Variants in DMKN observed in about 807,000 individuals in gnomAD.
DMKN encodes epidermis-specific secreted protein SK30/SK89.
A neutral mutation model predicts 67.6 loss-of-function variants in DMKN; 58 were observed. The ratio of observed to expected loss-of-function variants is 0.86; its 90% CI spans 0.69 to 1.07. DMKN has a LOEUF of 1.07. DMKN is among the 50% of genes least tolerant of loss of function. The pLI is 0.00. For synonymous variants in DMKN, 240 were observed against 232.3 expected (o/e 1.03, Z -0.30); for missense variants, 596 against 601.5 (o/e 0.99, Z 0.10).
chr19:35,507,529 G>T, intron 7 of DMKN: 1 of 1,551,346 alleles, frequency 6.4e-7, no homozygotes, highest in Non-Finnish European at 8.7e-7. Context: ...GACAGAAAAC[G>T]GAGAGGAGTT....
Position 35,511,492 on chromosome 19 carries a change from GCCACTGCTGCTGCCACTGCTGCTGCCA to G in DMKN, c.810_836del (p.Ser274_Ser282del), listed in dbSNP as rs762952161. On this transcript the variant is annotated inframe_deletion, in exon 5 of 16. Coordinates refer to ENST00000339686, the MANE Select transcript of DMKN (RefSeq NM_033317.5). ...CACCACTGCTGCCGCCACTGCTGCCGCCACTGCTGCTGCCACTGCTGCTGCCACCACTGCTGCTGCCATTGTTGTTGT... is the reference window on the plus strand; with the variant it reads ...CACCACTGCTGCCGCCACTGCTGCCGCCACTGCTGCTGCCATTGTTGTTGT... 9.9e-5 allele frequency: 106 copies of G among 1,066,226 alleles called. No individual in the cohort carries two copies. In the East Asian group the frequency reaches 2.1e-3, roughly 21 times the overall value. 66.0% of individuals were successfully genotyped at this position (1,066,226 alleles called of 1,614,324 possible).
At chr19:35,499,882 C>G in intron 13 of DMKN, 76 bp downstream of exon 13, 1 of 1,534,364 alleles carries the variant, frequency 6.5e-7, no homozygotes, top group Non-Finnish European at 9.0e-7. Flanking sequence ...CCGAGAGGAC[C>G]CCGGCAGTGA....
intron 3 of DMKN, among the ~76,000 whole-genome samples, 180 bp from the exon 4 acceptor site, chr19:35,511,993 C>CTTTTTTTTT (rs11285451): frequency 1.8e-5 from 2 of 113,066 alleles, no homozygotes; most frequent in African/African-American, 3.8e-5. Context: ...TCTCTTCCTC[C>CTTTTTTTTT]TTTTTTTTTT....
At position 35,510,217 on chromosome 19, in the gene DMKN, ACCGTGGTTG is replaced by A; in HGVS notation, c.945_953del (p.Asn316_Gly318del). On this transcript the variant is annotated inframe_deletion, in exon 6 of 16. Coordinates refer to ENST00000339686, the MANE Select transcript of DMKN (RefSeq NM_033317.5). ...TATGTCCATTTCCTCCGCCGCTCCC[ACCGTGGTTG>A]CCGGAGGAGGAGCCGGTGCTGGATC... The A allele has an allele frequency of 1.2e-6, 2 of 1,608,966 alleles. No individual in the cohort carries two copies. Among genetic ancestry groups the A allele is most frequent in the Non-Finnish European group, 1.7e-6 (2 of 1,177,934 alleles).
intron 9 of DMKN, among the ~76,000 whole-genome samples, chr19:35,503,801 G>A (rs1171266872): frequency 2.6e-5 from 4 of 152,082 alleles, no homozygotes; most frequent in African/African-American, 9.7e-5. Flanking sequence ...GAGAGAGCTT[G>A]AGAAATAGGA....
intron 7 of DMKN, chr19:35,507,389 T>A (rs946434980): frequency 4.1e-6 from 6 of 1,460,742 alleles, no homozygotes; most frequent in Non-Finnish European, 5.6e-6. Flanking sequence ...TTTTGTTTCT[T>A]TTCCCAGGAT....
chr19:35,500,538 C>G lies in DMKN; in HGVS notation c.1282G>C (p.Asp428His). The change falls in exon 12 of 16, where the codon GAT (aspartate) becomes CAT (histidine). Residue 428 changes from aspartate (D) to histidine (H), a missense_variant. Coordinates refer to ENST00000339686, the MANE Select transcript of DMKN (RefSeq NM_033317.5). ...ACTTGAGGACAGAGACTCACCTGAT[C>G]GTCTCTGCCTGCACGTTTCTGCAGT... is the stretch of plus-strand genomic sequence containing the variant. ...SSLQKRAGRD[D>H]QNYNYNQHAY... 4.3e-6 allele frequency: 7 copies of G among 1,611,772 alleles called. 1 individual carries two copies. The highest frequency in any genetic ancestry group is 1.7e-4 in the Middle Eastern group (1 of 6,060).
At chr19:35,508,460 G>C in intron 7 of DMKN, 1 of 508,348 alleles carries the variant, frequency 2.0e-6, no homozygotes, top group Non-Finnish European at 3.5e-6. Context: ...GAGGTAGATA[G>C]TAACATACTC....
chr19:35,501,119 C>T (rs914111335), intron 11 of DMKN, among the ~76,000 whole-genome samples: 1 of 152,162 alleles, frequency 6.6e-6, no homozygotes, highest in Non-Finnish European at 1.5e-5. Context: ...CCGGACACCC[C>T]CCCCAGCCCC....
chr19:35,505,024 T>TA (rs60837281), intron 9 of DMKN, among the ~76,000 whole-genome samples: 271 of 141,162 alleles, frequency 1.9e-3, no homozygotes, highest in South Asian at 3.7e-3. Flanking sequence ...TTCATATTCT[T>TA]AAAAAAAAAA....
At position 35,498,876 on chromosome 19, in the gene DMKN, A is replaced by T; in HGVS notation, c.1381T>A (p.Ser461Thr). Residue 461 changes from serine (S) to threonine (T), a missense_variant and splice_region_variant, in exon 14 of 16, where the codon TCG (serine) becomes ACG (threonine). Coordinates refer to ENST00000339686, the MANE Select transcript of DMKN (RefSeq NM_033317.5). ...GAAGATCAGGCCCCCATACTCACCG[A>T]GGAAGAAGGTGAGACTCCCCCCTGC... ...PAKGGVSPSS[S>T]ASRVQPGLLQ... The T allele has an allele frequency of 1.2e-6, 2 of 1,614,066 alleles. No individual in the cohort carries two copies. Among genetic ancestry groups the T allele is most frequent in the Non-Finnish European group, 1.7e-6 (2 of 1,180,012 alleles).
In DMKN at chr19:35,512,638, C is replaced by T; in HGVS notation, c.579G>A (p.Trp193Ter). ...GTGGCCCTCCATTGCCTCCTTGACC[C>T]CAGGGAGCTCCCTGAGGATTCATTC... is the stretch of plus-strand genomic sequence containing the variant. ...SFGMNPQGAPWGQGGNGGPPN... is the reference protein window; with the variant it reads ...SFGMNPQGAP The change falls in exon 2 of 16, where the codon TGG becomes TGA. Residue 193 changes from tryptophan to a stop codon, truncating the protein, a stop_gained. Transcript: ENST00000339686. LOFTEE classifies it high-confidence loss of function. 2 of 1,614,148 alleles carry T rather than the reference C, an allele frequency of 1.2e-6. No homozygotes were observed. The highest frequency in any genetic ancestry group is 1.7e-6 in the Non-Finnish European group (2 of 1,180,014).
chr19:35,501,936 C>G, intron 11 of DMKN, 200 bp downstream of exon 11: 1 of 1,558,746 alleles, frequency 6.4e-7, no homozygotes, highest in Non-Finnish European at 8.7e-7. Context: ...TCGGCCTCGG[C>G]TTTTATGCTA....
intron 9 of DMKN, among the ~76,000 whole-genome samples, chr19:35,503,624 C>T (rs559915947): frequency 1.6e-4 from 24 of 152,222 alleles, no homozygotes; most frequent in African/African-American, 5.3e-4. Flanking sequence ...TACAGGCGCA[C>T]ACCACCACGC....
Position 35,511,503 on chromosome 19 carries a change from T to TGCTGCC in DMKN, c.825_826insGGCAGC (p.Gly275_Ser276insGlySer), listed in dbSNP as rs1568638068. On this transcript the variant is annotated inframe_insertion, in exon 5 of 16. Transcript: ENST00000339686. ...CCGCCACTGCTGCCGCCACTGCTGC[T>TGCTGCC]GCCACTGCTGCTGCCACCACTGCTG... 3.2e-5 allele frequency: 33 copies of TGCTGCC among 1,020,540 alleles called. No individual in the cohort carries two copies. In the South Asian group the frequency reaches 4.0e-4, roughly 12 times the overall value. 63.2% of individuals were successfully genotyped at this position (1,020,540 alleles called of 1,614,324 possible).
At chr19:35,510,060 G>C in intron 6 of DMKN, 99 bp from the exon 7 acceptor site, 2 of 1,579,010 alleles carry the variant, frequency 1.3e-6, no homozygotes, top group Non-Finnish European at 1.7e-6. Flanking sequence ...AGCCGCTTCC[G>C]CTCCACCTCC....
intron 7 of DMKN, chr19:35,507,463 A>C: frequency 3.9e-6 from 6 of 1,551,302 alleles, no homozygotes; most frequent in Non-Finnish European, 4.4e-6. Flanking sequence ...CTCACCCTAT[A>C]ATTGTCTCCA....
chr19:35,511,877 G>A (rs1600088849), intron 3 of DMKN, 64 bp from the exon 4 acceptor site: 2 of 1,536,286 alleles, frequency 1.3e-6, no homozygotes, highest in East Asian at 4.7e-5. Context: ...CCTCGGCCAT[G>A]GACACAGGCC....
chr19:35,501,684 G>C, intron 11 of DMKN: 2 of 860,832 alleles, frequency 2.3e-6, no homozygotes, highest in Non-Finnish European at 1.7e-6. Flanking sequence ...ACCCTCAGCA[G>C]CTGCCTCCAC....
Sources: gnomAD v4.1 joint callset for allele counts (sites outside exome capture counted in the v4.1 genomes callset) on GRCh38, gnomAD v4.1.1 for gene constraint, MANE v1.5 for transcripts, NCBI Gene and HGNC (gene_info 2026-07-23, HGNC 2026-07-21) for gene names.